The following ASH2L variants were observed in gnomAD, a reference collection of about 807,000 sequenced individuals.
ASH2L encodes the protein set1/Ash2 histone methyltransferase complex subunit ASH2.
ASH2L carries 30 observed loss-of-function variants against 81.1 expected under a neutral mutation model. The ratio of observed to expected loss-of-function variants is 0.37; its 90% confidence interval spans 0.28 to 0.50. The LOEUF (loss-of-function observed/expected upper bound fraction) is 0.50. Among genes scored for constraint, ASH2L ranks in the 20% least tolerant of loss-of-function variants. The probability of loss-of-function intolerance (pLI) is 0.95; values close to 1 mark genes in which losing one functional copy is unlikely to be tolerated. For synonymous variants in ASH2L, 273 were observed against 279.9 expected (o/e 0.98, Z 0.24); for missense variants, 559 against 792.1 (o/e 0.71, Z 3.53).
chr8:38,128,172 A>G (rs1198162174), intron 10 of ASH2L, 119 bp from the exon 11 acceptor site: 23 of 1,222,416 alleles, frequency 1.9e-5, no homozygotes, highest in Non-Finnish European at 2.5e-5. Flanking sequence ...TAATATTTCA[A>G]ACACCTGACC....
Position 38,116,495 on chromosome 8 carries a change from T to C in ASH2L, c.778-155T>C, listed in dbSNP as rs111793551. On this transcript the variant is annotated intron_variant, in intron 7 of 15. Coordinates refer to ENST00000343823, the MANE Select transcript of ASH2L (RefSeq NM_004674.5). Reference sequence around the variant, plus strand: ...TTGCAGTAAGCCGAGATCGCGCCACTGTACTACAGACTGGGCAATAGAGTA... The same window carrying C: ...TTGCAGTAAGCCGAGATCGCGCCACCGTACTACAGACTGGGCAATAGAGTA... Among the ~76,000 whole-genome samples the C allele has an allele frequency of 1.3e-5, 2 of 152,314 alleles. 1 individual carries two copies. The highest frequency in any genetic ancestry group is 4.8e-5 in the African/African-American group (2 of 41,562).
At chr8:38,124,561 G>C (rs924739209) in intron 10 of ASH2L, 1 of 152,336 alleles carries the variant, frequency 6.6e-6, no homozygotes, top group East Asian at 1.9e-4. Context: ...TGCCACCCAG[G>C]CTGGAGTGCA....
rs776726831 is a variant in ASH2L, at chr8:38,135,682, A to G, written c.1635A>G (p.Lys545=). 9.9e-6 allele frequency: 16 copies of G among 1,610,080 alleles called. No homozygotes were observed. The highest frequency in any genetic ancestry group is 5.0e-5 in the Admixed American group (3 of 59,566). The change falls in exon 14 of 16, where the codon AAA becomes AAG. Residue 545 remains lysine (K), a synonymous_variant. Transcript: ENST00000343823. ...QTPHSEIIFY[K]NGVNQGVAYK... ...TTTTGTTTCAGATAATATTTTATAA[A>G]AATGGTGTCAATCAAGGTGTGGCTT...
chr8:38,115,120 T>C, intron 7 of ASH2L, 120 bp downstream of exon 7: 2 of 658,566 alleles, frequency 3.0e-6, no homozygotes, highest in Admixed American at 5.1e-5. Context: ...GCACATAGCA[T>C]GGTGGACTCC....
chr8:38,106,394 G>T lies in ASH2L; in HGVS notation c.205G>T (p.Asp69Tyr), dbSNP rs1302863174. 6.2e-7 allele frequency: 1 copy of T among 1,614,076 alleles called. No individual in the cohort carries two copies. The highest frequency in any genetic ancestry group is 2.2e-5 in the East Asian group (1 of 44,880). ...ATCTTATAGGGAGGCAAACTTGGTC[G>T]ATGTAAGCGGTGGCTTGGAGACAGA... ...EAEGGEANLV[D>Y]VSGGLETESS... Residue 69 changes from aspartate (D) to tyrosine (Y), a missense_variant, in exon 2 of 16, where the codon GAT (aspartate) becomes TAT (tyrosine). This residue lies in a region of ASH2L where 145 missense variants were observed against 115.5 expected (regional missense o/e 1.26). Coordinates refer to ENST00000343823, the MANE Select transcript of ASH2L (RefSeq NM_004674.5).
rs139384247 is a variant in ASH2L at position 38,105,608 on chromosome 8, G to A, written c.58G>A (p.Ala20Thr). 772 of 1,602,474 alleles carry A rather than the reference G, an allele frequency of 4.8e-4. 5 individuals carry two copies. In the Middle Eastern group the frequency reaches 7.7e-3, roughly 16 times the overall value. The change falls in exon 1 of 16, where the codon GCG becomes ACG. Residue 20 changes from alanine to threonine, a missense_variant. By Grantham distance (58) the Ala-to-Thr change is moderately conservative. Coordinates refer to ENST00000343823, the MANE Select transcript of ASH2L (RefSeq NM_004674.5). The part of the protein sequence containing the change: ...QEAGAGPGPG[A>T]VANATGAEEG... ...AGCGGGTGCCGGGCCTGGCCCAGGAGCGGTCGCAAATGCAACAGGGGCAGA... is the reference window on the plus strand; with the variant it reads ...AGCGGGTGCCGGGCCTGGCCCAGGAACGGTCGCAAATGCAACAGGGGCAGA...
intron 5 of ASH2L, among the ~76,000 whole-genome samples, chr8:38,112,300 CTTTA>C (rs147185198): frequency 9.7e-4 from 147 of 151,350 alleles, no homozygotes; most frequent in South Asian, 2.7e-3. Flanking sequence ...CACCCAGCCC[CTTTA>C]TTTATTTATT....
At chr8:38,107,896 G>GTA (rs772053414) in intron 3 of ASH2L, among the ~76,000 whole-genome samples, 1 of 146,462 alleles carries the variant, frequency 6.8e-6, no homozygotes, top group East Asian at 2.0e-4. Flanking sequence ...GTGTGTGTGT[G>GTA]TGTGTGTGTA....
At chr8:38,130,488 AT>A (rs1326065930) in intron 12 of ASH2L, among the ~76,000 whole-genome samples, 2 of 151,898 alleles carry the variant, frequency 1.3e-5, no homozygotes, top group African/African-American at 4.8e-5. Context: ...CTTTCCATGA[AT>A]TTAAAAAAAA....
At chr8:38,107,756 T>C (rs1274973673) in intron 3 of ASH2L, among the ~76,000 whole-genome samples, 1 of 152,184 alleles carries the variant, frequency 6.6e-6, no homozygotes, top group South Asian at 2.1e-4. Flanking sequence ...CTCTCTGTAA[T>C]GTTCTTTATG....
At chr8:38,133,919 GT>G (rs1426650672) in intron 13 of ASH2L, among the ~76,000 whole-genome samples, 4 of 152,176 alleles carry the variant, frequency 2.6e-5, no homozygotes, top group African/African-American at 4.8e-5. Context: ...AAATCAGATT[GT>G]TGCTGTGTCT....
chr8:38,126,290 A>G (rs1172821572), intron 10 of ASH2L, among the ~76,000 whole-genome samples: 1 of 152,144 alleles, frequency 6.6e-6, no homozygotes, highest in African/African-American at 2.4e-5. Context: ...TCAAAGTGTC[A>G]AGCTTATGAA....
rs756274856 is a variant in ASH2L at position 38,110,804 on chromosome 8, C to T, written c.556C>T (p.His186Tyr). The change falls in exon 5 of 16, where the codon CAT becomes TAT. Residue 186 changes from histidine to tyrosine, a missense_variant. Coordinates refer to ENST00000343823, the MANE Select transcript of ASH2L (RefSeq NM_004674.5). ...LTWQSRTQDE[H>Y]PKTMFSKDKD... ...ATGGCAGTCCCGAACACAGGATGAA[C>T]ATCCGAAGACAATGTTCTCCAAAGA... 7.4e-6 allele frequency: 12 copies of T among 1,613,650 alleles called. No homozygotes were observed. Among genetic ancestry groups the T allele is most frequent in the Admixed American group, 3.3e-5 (2 of 59,942 alleles).
intron 3 of ASH2L, 63 bp downstream of exon 3, chr8:38,107,229 A>T: frequency 6.3e-7 from 1 of 1,596,780 alleles, no homozygotes; most frequent in Non-Finnish European, 8.6e-7. Context: ...CATGCTCAAC[A>T]GTTACTTTGT....
At chr8:38,137,246 C>T (rs1342239642) in intron 14 of ASH2L, among the ~76,000 whole-genome samples, 1 of 150,264 alleles carries the variant, frequency 6.7e-6, no homozygotes, top group Non-Finnish European at 1.5e-5. Context: ...ACTAAAAATA[C>T]AAAAATTAGC....
chr8:38,125,937 C>T (rs1801827607), intron 10 of ASH2L, among the ~76,000 whole-genome samples: 1 of 152,150 alleles, frequency 6.6e-6, no homozygotes, highest in African/African-American at 2.4e-5. Context: ...GGCATGGTGG[C>T]TCACACCTGT....
At chr8:38,122,658 C>A (rs961734767) in intron 10 of ASH2L, among the ~76,000 whole-genome samples, 1 of 152,102 alleles carries the variant, frequency 6.6e-6, no homozygotes, top group African/African-American at 2.4e-5. Context: ...GGGTTGACAG[C>A]CTTCCTCCTT....
chr8:38,130,301 T>C (rs1488434566), intron 12 of ASH2L, among the ~76,000 whole-genome samples: 1 of 150,364 alleles, frequency 6.7e-6, no homozygotes, highest in East Asian at 1.9e-4. Flanking sequence ...TTTTTTTTTT[T>C]TTCCATGTTG....
intron 13 of ASH2L, 107 bp downstream of exon 13, chr8:38,133,653 C>CT: frequency 3.5e-6 from 3 of 861,606 alleles, no homozygotes; most frequent in Non-Finnish European, 5.3e-6. Flanking sequence ...AATGAAGGGG[C>CT]ATCTGGTAGC....
Sources: gnomAD v4.1 joint callset for allele counts (sites outside exome capture counted in the v4.1 genomes callset) on GRCh38, gnomAD v4.1.1 for gene constraint, gnomAD v4.1.1 regional missense constraint, MANE v1.5 for transcripts, NCBI Gene and HGNC (gene_info 2026-07-23, HGNC 2026-07-21) for gene names.